SDC2: variants seen among roughly 807,000 people sequenced by gnomAD.
SDC2 encodes the protein syndecan 2, also known as syndecan-2.
A neutral mutation model predicts 22.2 loss-of-function variants in SDC2; 13 were observed. The ratio of observed to expected loss-of-function variants is 0.59; its 90% CI spans 0.38 to 0.93. The LOEUF (loss-of-function observed/expected upper bound fraction) is 0.93. SDC2 is among the 40% of genes least tolerant of loss of function. The pLI, the probability that SDC2 is intolerant of heterozygous loss-of-function variation, is 0.00. For synonymous variants in SDC2, 94 were observed against 92.8 expected, an observed-to-expected ratio of 1.01 and a Z score of -0.07; for missense variants, 235 against 246.8, an observed-to-expected ratio of 0.95 and a Z score of 0.32.
At chr8:96,501,233 G>A (rs868745460) in intron 1 of SDC2, among the ~76,000 whole-genome samples, 5 of 150,722 alleles carry the variant, frequency 3.3e-5, no homozygotes, top group African/African-American at 9.8e-5. Flanking sequence ...AATGACACAC[G>A]GGACAAGATA....
intron 1 of SDC2, among the ~76,000 whole-genome samples, chr8:96,504,595 A>C (rs1813210937): frequency 1.3e-5 from 2 of 152,196 alleles, no homozygotes; most frequent in Non-Finnish European, 2.9e-5. Flanking sequence ...CTTCTAACAC[A>C]AAGCTTGACC....
rs775265057 is a variant in SDC2 at position 96,529,474 on chromosome 8, C to A, written c.60+35143C>A. Among the ~76,000 whole-genome samples the A allele has an allele frequency of 3.0e-4, 45 of 152,152 alleles. 1 individual carries two copies. The highest frequency in any genetic ancestry group is 2.9e-5 in the Non-Finnish European group (2 of 68,016). On this transcript the variant is annotated intron_variant, in intron 1 of 4. Transcript: ENST00000302190. ...GTACCCATTTTTACATTTAAAAACTCCATGAGTACGAGTGACGGCTATGGC... is the reference window on the plus strand; with the variant it reads ...GTACCCATTTTTACATTTAAAAACTACATGAGTACGAGTGACGGCTATGGC...
chr8:96,609,375 G>T lies in SDC2; in HGVS notation c.443-10G>T. 1 of 1,604,986 alleles carries T rather than the reference G, an allele frequency of 6.2e-7. No individual in the cohort carries two copies. Among genetic ancestry groups the T allele is most frequent in the Non-Finnish European group, 8.5e-7 (1 of 1,175,592 alleles). On this transcript the variant is annotated splice_polypyrimidine_tract_variant and intron_variant, in intron 4 of 4. Coordinates refer to ENST00000302190, the MANE Select transcript of SDC2 (RefSeq NM_002998.4). The stretch of plus-strand genomic sequence containing the variant: ...CTCTTCTAAAGTAATCTTCCTTTTG[G>T]TTGTTTCAGCTGTCATTGCTGGTGG...
chr8:96,534,765 C>T (rs947398404), intron 1 of SDC2, among the ~76,000 whole-genome samples: 9 of 151,908 alleles, frequency 5.9e-5, no homozygotes, highest in African/African-American at 1.5e-4. Flanking sequence ...TAATGGTTCT[C>T]GGGGTCATCT....
chr8:96,531,386 A>G (rs1045091258), intron 1 of SDC2, among the ~76,000 whole-genome samples: 7 of 152,232 alleles, frequency 4.6e-5, no homozygotes, highest in Admixed American at 3.9e-4. Flanking sequence ...TATGATTAAT[A>G]TTAGTAAATT....
At chr8:96,524,309 G>A (rs1813544279) in intron 1 of SDC2, among the ~76,000 whole-genome samples, 1 of 152,288 alleles carries the variant, frequency 6.6e-6, no homozygotes, top group African/African-American at 2.4e-5. Context: ...CTCTGGGGAT[G>A]TCATTATCAT....
chr8:96,580,992 C>T (rs1417125201), intron 1 of SDC2, among the ~76,000 whole-genome samples: 1 of 151,978 alleles, frequency 6.6e-6, no homozygotes, highest in Non-Finnish European at 1.5e-5. Context: ...TTTTTTATTC[C>T]TGGACTAACT....
intron 2 of SDC2, among the ~76,000 whole-genome samples, chr8:96,593,797 C>T (rs1814826481): frequency 2.0e-5 from 3 of 152,148 alleles, no homozygotes; most frequent in African/African-American, 7.2e-5. Flanking sequence ...GCCTCAGTTT[C>T]CTCCTTTATA....
intron 1 of SDC2, among the ~76,000 whole-genome samples, chr8:96,564,983 A>G (rs370642172): frequency 6.0e-5 from 9 of 151,168 alleles, no homozygotes; most frequent in East Asian, 5.8e-4. Flanking sequence ...CTGCCTAGGT[A>G]TATTTATTCT....
At chr8:96,574,658 A>G (rs1189724979) in intron 1 of SDC2, among the ~76,000 whole-genome samples, 1 of 152,186 alleles carries the variant, frequency 6.6e-6, no homozygotes, top group Admixed American at 6.5e-5. Flanking sequence ...ACACCTGTTC[A>G]CAGTCATTTG....
chr8:96,559,127 A>G (rs1161364122), intron 1 of SDC2, among the ~76,000 whole-genome samples: 1 of 152,132 alleles, frequency 6.6e-6, no homozygotes, highest in Non-Finnish European at 1.5e-5. Context: ...GGATCTCCCT[A>G]AGGAGTACTG....
chr8:96,576,393 T>TTTTTTTA (rs1202962295), intron 1 of SDC2, among the ~76,000 whole-genome samples: 2 of 91,740 alleles, frequency 2.2e-5, no homozygotes, highest in African/African-American at 4.4e-5. Context: ...TGTTTTTTTT[T>TTTTTTTA]ACCAGATTTG....
intron 1 of SDC2, among the ~76,000 whole-genome samples, chr8:96,593,275 C>T (rs1399478283): frequency 6.6e-6 from 1 of 152,058 alleles, no homozygotes; most frequent in Non-Finnish European, 1.5e-5. Context: ...TGTAGGCTTC[C>T]CTTGCAGGTT....
intron 1 of SDC2, among the ~76,000 whole-genome samples, chr8:96,536,879 G>C (rs984251310): frequency 6.6e-6 from 1 of 152,162 alleles, no homozygotes; most frequent in Non-Finnish European, 1.5e-5. Flanking sequence ...CCAGAATACT[G>C]GATAACTGGC....
chr8:96,499,390 C>T (rs1385605126), intron 1 of SDC2, among the ~76,000 whole-genome samples: 7 of 152,252 alleles, frequency 4.6e-5, no homozygotes, highest in Middle Eastern at 6.8e-3. Context: ...TTTTATAAAG[C>T]GACTGAGATG....
rs368439320 is a variant in SDC2 at position 96,498,331 on chromosome 8, C to T, written c.60+4000C>T. Among the ~76,000 whole-genome samples, 13 of 152,264 alleles carry T rather than the reference C, an allele frequency of 8.5e-5. No individual in the cohort carries two copies. The East Asian group carries it at 1.2e-3, about 14-fold the overall frequency. On this transcript the variant is annotated intron_variant, in intron 1 of 4. Transcript: ENST00000302190. The stretch of plus-strand genomic sequence containing the variant: ...GTGGAACTTCCTCAGGAGTGCCAAC[C>T]GGCCCCAGAATGCCCTGGCCCATGG...
At chr8:96,524,967 T>G (rs545168921) in intron 1 of SDC2, among the ~76,000 whole-genome samples, 2 of 152,184 alleles carry the variant, frequency 1.3e-5, no homozygotes, top group Non-Finnish European at 2.9e-5. Context: ...GACAAGACTT[T>G]GGCCATTATT....
At chr8:96,559,209 G>C (rs1030992084) in intron 1 of SDC2, among the ~76,000 whole-genome samples, 4 of 152,300 alleles carry the variant, frequency 2.6e-5, no homozygotes, top group African/African-American at 9.6e-5. Context: ...CATGAGACAA[G>C]AGTGTCAAGG....
chr8:96,544,075 C>T (rs1393673342), intron 1 of SDC2, among the ~76,000 whole-genome samples: 1 of 152,142 alleles, frequency 6.6e-6, no homozygotes, highest in Non-Finnish European at 1.5e-5. Context: ...ATGATATTGA[C>T]TTGTAGATGT....
Sources: gnomAD v4.1 joint callset for allele counts (sites outside exome capture counted in the v4.1 genomes callset) on GRCh38, gnomAD v4.1.1 for gene constraint, MANE v1.5 for transcripts, NCBI Gene and HGNC (gene_info 2026-07-23, HGNC 2026-07-21) for gene names.